EYA1: variants seen among roughly 807,000 people sequenced by gnomAD.
EYA1 encodes protein phosphatase EYA1.
EYA1 carries 16 observed loss-of-function variants against 82.0 expected under a neutral mutation model. That is an observed-to-expected ratio of 0.20 (90% confidence interval 0.13 to 0.30). EYA1 has a LOEUF of 0.30. Among genes scored for constraint, EYA1 ranks in the 10% least tolerant of loss-of-function variants. EYA1 has a pLI of 1.00. For synonymous variants in EYA1, 261 were observed against 264.4 expected, an observed-to-expected ratio of 0.99 and a Z score of 0.12; for missense variants, 633 against 730.7, an observed-to-expected ratio of 0.87 and a Z score of 1.54.
chr8:71,369,185 AG>A (rs201527306), intron 2 of EYA1, among the ~76,000 whole-genome samples: 3,990 of 148,684 alleles, frequency 0.027, 191 homozygotes, highest in African/African-American at 0.093. Context: ...CCTGGGCAAC[AG>A]AGCGAGACTC....
intron 2 of EYA1, among the ~76,000 whole-genome samples, chr8:71,428,547 A>G (rs1172544951): frequency 1.3e-5 from 2 of 152,230 alleles, no homozygotes; most frequent in African/African-American, 2.4e-5. Context: ...AATACTCTGT[A>G]CAGAGCACCA....
intron 11 of EYA1, among the ~76,000 whole-genome samples, chr8:71,267,810 A>C (rs942784164): frequency 1.3e-5 from 2 of 152,326 alleles, no homozygotes; most frequent in South Asian, 4.1e-4. Context: ...GGCCTCCCAA[A>C]GTGCTGGGAT....
upstream of EYA1, among the ~76,000 whole-genome samples, chr8:71,363,860 T>G (rs1827587345): frequency 6.6e-6 from 1 of 152,104 alleles, no homozygotes; most frequent in Admixed American, 6.5e-5. Context: ...TTCCAATTGT[T>G]TAACAATTAT....
At chr8:71,492,300 T>C (rs2129225959) in intron 2 of EYA1, among the ~76,000 whole-genome samples, 1 of 152,312 alleles carries the variant, frequency 6.6e-6, no homozygotes, top group South Asian at 2.1e-4. Flanking sequence ...TATGTTCAGT[T>C]ACTTTTGAAA....
chr8:71,534,737 C>T (rs1162902506), intron 2 of EYA1, among the ~76,000 whole-genome samples: 1 of 152,074 alleles, frequency 6.6e-6, no homozygotes. Flanking sequence ...GAACAACATG[C>T]ACCAGGGCCT....
intron 1 of EYA1, among the ~76,000 whole-genome samples, chr8:71,538,040 G>A (rs750976677): frequency 3.0e-4 from 45 of 152,180 alleles, no homozygotes; most frequent in Admixed American, 7.9e-4. Flanking sequence ...ACAGCGAGCC[G>A]TGGACTTTAT....
intron 6 of EYA1, 135 bp downstream of exon 6, chr8:71,321,599 T>C (rs957170723): frequency 1.8e-6 from 2 of 1,140,330 alleles, no homozygotes; most frequent in Non-Finnish European, 1.2e-6. Context: ...GAAACAATCA[T>C]ACTAAGAATT....
At chr8:71,354,943 A>T (rs751841618) in intron 2 of EYA1, 34 bp from the exon 3 acceptor site, 1 of 1,608,418 alleles carries the variant, frequency 6.2e-7, no homozygotes. Context: ...TGACAGATGT[A>T]CCAAATTCAT....
chr8:71,311,602 C>A (rs901748163), intron 7 of EYA1, among the ~76,000 whole-genome samples: 26 of 152,158 alleles, frequency 1.7e-4, no homozygotes, highest in African/African-American at 6.3e-4. Flanking sequence ...CCAGAAAAAC[C>A]AAAGCTAACA....
At chr8:71,463,704 G>T (rs1808578165) in intron 2 of EYA1, among the ~76,000 whole-genome samples, 1 of 142,046 alleles carries the variant, frequency 7.0e-6, no homozygotes, top group Non-Finnish European at 1.5e-5. Context: ...ATACATGTTA[G>T]GGTACATCAT....
intron 9 of EYA1, among the ~76,000 whole-genome samples, chr8:71,292,040 T>C (rs1362334640): frequency 6.6e-6 from 1 of 152,132 alleles, no homozygotes; most frequent in Non-Finnish European, 1.5e-5. Context: ...ATTATACACA[T>C]GAATCATATA....
chr8:71,546,750 C>T (rs1329188611), intron 1 of EYA1, among the ~76,000 whole-genome samples: 1 of 152,132 alleles, frequency 6.6e-6, no homozygotes, highest in Non-Finnish European at 1.5e-5. Flanking sequence ...GCAGTCTGCC[C>T]TCCTGGGCCT....
At chr8:71,358,051 G>C (rs183614335) in intron 1 of EYA1, among the ~76,000 whole-genome samples, 139 of 151,612 alleles carry the variant, frequency 9.2e-4, no homozygotes, top group Non-Finnish European at 1.5e-3. Context: ...AACTCTCCTG[G>C]CTTAATTATG....
intron 3 of EYA1, among the ~76,000 whole-genome samples, chr8:71,353,518 T>G (rs1472714702): frequency 6.6e-6 from 1 of 152,240 alleles, no homozygotes; most frequent in Non-Finnish European, 1.5e-5. Flanking sequence ...GTACCCATTT[T>G]CATAAACACT....
chr8:71,524,470 T>G (rs1197631340), intron 2 of EYA1, among the ~76,000 whole-genome samples: 3 of 152,240 alleles, frequency 2.0e-5, no homozygotes, highest in Admixed American at 6.5e-5. Flanking sequence ...ATATGACTAG[T>G]ATTAAAGTTA....
chr8:71,475,724 T>C (rs1809610206), intron 2 of EYA1, among the ~76,000 whole-genome samples: 1 of 152,192 alleles, frequency 6.6e-6, no homozygotes, highest in South Asian at 2.1e-4. Flanking sequence ...AACATTGGAA[T>C]CTAACATCGA....
At chr8:71,239,410 C>T (rs2128895090) in intron 12 of EYA1, among the ~76,000 whole-genome samples, 1 of 152,240 alleles carries the variant, frequency 6.6e-6, no homozygotes, top group East Asian at 1.9e-4. Context: ...TCTAAGACAA[C>T]ACATAACAAT....
At chr8:71,233,458 G>A (rs1182383311) in intron 12 of EYA1, among the ~76,000 whole-genome samples, 1 of 151,958 alleles carries the variant, frequency 6.6e-6, no homozygotes, top group Admixed American at 6.6e-5. Context: ...CAGCTACTCA[G>A]GAGGCTGAGG....
At chr8:71,490,683 T>C (rs536763593) in intron 2 of EYA1, among the ~76,000 whole-genome samples, 1 of 152,350 alleles carries the variant, frequency 6.6e-6, no homozygotes, top group South Asian at 2.1e-4. Context: ...TTGTGTAACA[T>C]GTCTTAAAAC....
Sources: gnomAD v4.1 joint callset for allele counts (sites outside exome capture counted in the v4.1 genomes callset) on GRCh38, gnomAD v4.1.1 for gene constraint, MANE v1.5 for transcripts, NCBI Gene and HGNC (gene_info 2026-07-23, HGNC 2026-07-21) for gene names.